ASTN1: variants seen among roughly 807,000 people sequenced by gnomAD.
The protein encoded by ASTN1 is astrotactin 1.
In ASTN1, 41 loss-of-function variants were observed where a neutral mutation model predicts 140.7. That is an observed-to-expected ratio of 0.29 (90% CI 0.23 to 0.38). ASTN1 has a LOEUF of 0.38. Ranked by LOEUF, ASTN1 falls within the 10% of genes least tolerant of loss-of-function variation. ASTN1 has a pLI of 1.00. For missense variants in ASTN1, 1,479 were observed against 1,678.8 expected (o/e 0.88, Z 2.08); for synonymous variants, 640 against 652.2 (o/e 0.98, Z 0.29).
At chr1:176,986,027 G>A (rs1410679946) in intron 8 of ASTN1, among the ~76,000 whole-genome samples, 2 of 152,124 alleles carry the variant, frequency 1.3e-5, no homozygotes, top group Non-Finnish European at 2.9e-5. Flanking sequence ...GGGCGCAGCT[G>A]AGAACTGCCT....
intron 2 of ASTN1, among the ~76,000 whole-genome samples, chr1:177,055,396 C>A (rs1467824514): frequency 6.6e-6 from 1 of 152,252 alleles, no homozygotes; most frequent in Non-Finnish European, 1.5e-5. Flanking sequence ...TTAGTTGGCA[C>A]TTGACATGGT....
chr1:177,129,016 T>C (rs1412753590), intron 1 of ASTN1, among the ~76,000 whole-genome samples: 1 of 152,160 alleles, frequency 6.6e-6, no homozygotes, highest in Non-Finnish European at 1.5e-5. Context: ...GGTGTTACCA[T>C]CAGGATTATT....
At chr1:177,117,036 G>A (rs1168449328) in intron 1 of ASTN1, among the ~76,000 whole-genome samples, 1 of 152,090 alleles carries the variant, frequency 6.6e-6, no homozygotes, top group Non-Finnish European at 1.5e-5. Flanking sequence ...TTCTCTTAAA[G>A]TAGGTGTCTA....
intron 12 of ASTN1, 96 bp from the exon 13 acceptor site, chr1:176,946,216 C>A (rs1403582189): frequency 1.8e-6 from 2 of 1,133,924 alleles, no homozygotes; most frequent in South Asian, 2.2e-5. Context: ...CCTTTGACAG[C>A]ATGTTGGATC....
At chr1:176,994,113 C>A (rs1674324592) in intron 8 of ASTN1, among the ~76,000 whole-genome samples, 1 of 151,784 alleles carries the variant, frequency 6.6e-6, no homozygotes, top group African/African-American at 2.4e-5. Context: ...CCCCCCCCGC[C>A]ACCCACCAAT....
intron 16 of ASTN1, among the ~76,000 whole-genome samples, chr1:176,905,450 T>TTTTCCTCTGGGAGAGG (rs1332890486): frequency 6.6e-6 from 1 of 152,240 alleles, no homozygotes; most frequent in East Asian, 1.9e-4. Flanking sequence ...GGGAATGTTG[T>TTTTCCTCTGGGAGAGG]AAGAGTCTCC....
intron 8 of ASTN1, among the ~76,000 whole-genome samples, chr1:176,994,873 T>C (rs1275764405): frequency 1.3e-5 from 2 of 152,168 alleles, no homozygotes; most frequent in African/African-American, 4.8e-5. Flanking sequence ...CTCATCTTTT[T>C]TTTCCAGGTA....
At chr1:176,940,854 A>G (rs1371190052) in intron 14 of ASTN1, among the ~76,000 whole-genome samples, 1 of 152,116 alleles carries the variant, frequency 6.6e-6, no homozygotes, top group Non-Finnish European at 1.5e-5. Context: ...AGTTAAATAG[A>G]CTCGGGAATT....
At chr1:177,057,873 A>G (rs1205383179) in intron 2 of ASTN1, among the ~76,000 whole-genome samples, 1 of 152,194 alleles carries the variant, frequency 6.6e-6, no homozygotes, top group African/African-American at 2.4e-5. Flanking sequence ...GATGCCTCAA[A>G]TAGCTGCCTA....
intron 7 of ASTN1, among the ~76,000 whole-genome samples, chr1:177,016,381 T>C (rs917404969): frequency 6.6e-6 from 1 of 151,846 alleles, no homozygotes; most frequent in African/African-American, 2.4e-5. Flanking sequence ...TGGTGAATTC[T>C]GGCTTCTACA....
At chr1:176,934,486 TC>T in intron 15 of ASTN1, 146 bp from the exon 16 acceptor site, 1 of 744,468 alleles carries the variant, frequency 1.3e-6, no homozygotes, top group Non-Finnish European at 2.0e-6. Flanking sequence ...GGTGAATGTT[TC>T]CATTTAGCTA....
At chr1:177,070,378 T>C (rs1031984282) in intron 1 of ASTN1, among the ~76,000 whole-genome samples, 4 of 152,206 alleles carry the variant, frequency 2.6e-5, no homozygotes, top group Admixed American at 6.5e-5. Flanking sequence ...CCTAAACGAT[T>C]TCAGTAAGGT....
intron 14 of ASTN1, among the ~76,000 whole-genome samples, chr1:176,938,983 GTGCCTGTA>G (rs1379754353): frequency 1.3e-5 from 2 of 151,910 alleles, no homozygotes; most frequent in African/African-American, 4.8e-5. Flanking sequence ...AAACAGCTGG[GTGCCTGTA>G]GTCCCAGCTA....
intron 16 of ASTN1, among the ~76,000 whole-genome samples, chr1:176,922,252 C>G (rs1670758543): frequency 6.6e-6 from 1 of 152,208 alleles, no homozygotes. Context: ...CAGAGTCCCC[C>G]TTGTGAGGAA....
intron 16 of ASTN1, among the ~76,000 whole-genome samples, chr1:176,926,095 C>T (rs1308361708): frequency 2.6e-5 from 4 of 152,114 alleles, no homozygotes; most frequent in African/African-American, 7.2e-5. Context: ...GTGTGAGCCA[C>T]CGCACCCAGC....
intron 1 of ASTN1, among the ~76,000 whole-genome samples, chr1:177,133,829 T>C (rs1571832153): frequency 6.6e-6 from 1 of 152,236 alleles, no homozygotes; most frequent in Non-Finnish European, 1.5e-5. Context: ...GCTTATGCTC[T>C]AGATCGCATG....
intron 1 of ASTN1, among the ~76,000 whole-genome samples, chr1:177,085,389 C>G (rs569153043): frequency 6.6e-6 from 1 of 152,224 alleles, no homozygotes; most frequent in Admixed American, 6.5e-5. Flanking sequence ...TATTTTAAAC[C>G]TGACAAGGAT....
chr1:176,908,018 T>A (rs1670071059), intron 16 of ASTN1, among the ~76,000 whole-genome samples: 1 of 152,104 alleles, frequency 6.6e-6, no homozygotes, highest in African/African-American at 2.4e-5. Context: ...GCTGTTATGA[T>A]CATAGGAGGG....
chr1:177,013,340 C>G (rs1444594928), intron 8 of ASTN1, among the ~76,000 whole-genome samples: 14 of 152,178 alleles, frequency 9.2e-5, no homozygotes, highest in Admixed American at 9.2e-4. Flanking sequence ...TCCTTATCCC[C>G]CAACTTCAAC....
Sources: gnomAD v4.1 joint callset for allele counts (sites outside exome capture counted in the v4.1 genomes callset) on GRCh38, gnomAD v4.1.1 for gene constraint, MANE v1.5 for transcripts, NCBI Gene and HGNC (gene_info 2026-07-23, HGNC 2026-07-21) for gene names.